Variants in TTC28 observed in about 807,000 individuals in gnomAD.
TTC28 encodes tetratricopeptide repeat protein 28.
A neutral mutation model predicts 198.0 loss-of-function variants in TTC28; 61 were observed. The observed-to-expected ratio is 0.31, with a 90% confidence interval of 0.25 to 0.38. The LOEUF is 0.38. Ranked by LOEUF, TTC28 falls within the 10% of genes least tolerant of loss-of-function variation. The pLI is 1.00. For missense variants in TTC28, 2,678 were observed against 3,164.0 expected (o/e 0.85, Z 3.69); for synonymous variants, 1,171 against 1,297.8 (o/e 0.90, Z 2.10).
Position 28,298,343 on chromosome 22 carries a change from C to T in TTC28, c.530-491G>A, listed in dbSNP as rs2044943449. Among the ~76,000 whole-genome samples, 3 of 152,184 alleles carry T rather than the reference C, an allele frequency of 2.0e-5. No individual in the cohort carries two copies. In the South Asian group the frequency reaches 6.2e-4, roughly 32 times the overall value. ...TTTTTAAATATTTTTCCAGCTAAATCTAAAGACTGCTATAGGACTACTGTA... is the reference window on the plus strand; with the variant it reads ...TTTTTAAATATTTTTCCAGCTAAATTTAAAGACTGCTATAGGACTACTGTA... On this transcript the variant is annotated intron_variant, in intron 3 of 22. Transcript: ENST00000397906.
intron 1 of TTC28, among the ~76,000 whole-genome samples, chr22:28,641,335 TAAAG>T (rs1157388118): frequency 6.7e-6 from 1 of 150,096 alleles, no homozygotes; most frequent in Non-Finnish European, 1.5e-5. Flanking sequence ...AAAAAAAAAA[TAAAG>T]AAATGAATAA....
chr22:28,094,373 G>T (rs1444972873), intron 11 of TTC28, 128 bp from the exon 12 acceptor site: 2 of 1,085,886 alleles, frequency 1.8e-6, no homozygotes, highest in Non-Finnish European at 2.5e-6. Flanking sequence ...TGCAAACCCT[G>T]TCAAAAAATC....
At chr22:28,009,220 A>G (rs1938042767) in intron 14 of TTC28, among the ~76,000 whole-genome samples, 1 of 152,188 alleles carries the variant, frequency 6.6e-6, no homozygotes, top group Non-Finnish European at 1.5e-5. Context: ...CTTAGGCCAA[A>G]TTAAATCACA....
chr22:28,456,817 G>A (rs979546359), intron 2 of TTC28, among the ~76,000 whole-genome samples: 3 of 152,052 alleles, frequency 2.0e-5, no homozygotes, highest in South Asian at 2.1e-4. Context: ...CTCGTGATCC[G>A]CCCACCTCGG....
At chr22:28,258,027 G>A (rs928972532) in intron 5 of TTC28, among the ~76,000 whole-genome samples, 1 of 151,764 alleles carries the variant, frequency 6.6e-6, no homozygotes, top group Non-Finnish European at 1.5e-5. Flanking sequence ...TTTGCCCTCT[G>A]AACTTTGTCA....
chr22:27,998,674 A>G lies in TTC28; in HGVS notation c.4985T>C (p.Val1662Ala). 6.4e-7 allele frequency: 1 copy of G among 1,550,902 alleles called. No homozygotes were observed. Among genetic ancestry groups the G allele is most frequent in the South Asian group, 1.2e-5 (1 of 84,068 alleles). ...ATGGATGAACATCTTAGAAGCAGCC[A>G]CTGGCACAGGCCACAGAGACACGAG... ...CVLVSLWPVPVAASKMFIHAF... is the reference protein window; with the variant it reads ...CVLVSLWPVPAAASKMFIHAF... The change falls in exon 16 of 23, where the codon GTG becomes GCG. Residue 1662 changes from valine (V) to alanine (A), a missense_variant. Val to Ala is a moderately conservative substitution (Grantham distance 64, BLOSUM62 0). Around this residue, in one of 8 missense-constraint regions of TTC28, gnomAD observed 314 missense variants for 442.7 expected, o/e 0.71. Coordinates refer to ENST00000397906, the MANE Select transcript of TTC28 (RefSeq NM_001145418.2).
chr22:28,064,854 G>T (rs1795274800), intron 12 of TTC28, among the ~76,000 whole-genome samples: 1 of 152,160 alleles, frequency 6.6e-6, no homozygotes, highest in Non-Finnish European at 1.5e-5. Flanking sequence ...AAATTAGGTG[G>T]TGAGAAAAAG....
intron 2 of TTC28, among the ~76,000 whole-genome samples, chr22:28,530,534 A>G (rs2049110871): frequency 6.6e-6 from 1 of 152,204 alleles, no homozygotes; most frequent in South Asian, 2.1e-4. Context: ...GCAGGCCAAC[A>G]TTCAAATTCA....
At chr22:28,192,936 C>G (rs772918383) in intron 5 of TTC28, among the ~76,000 whole-genome samples, 3 of 152,106 alleles carry the variant, frequency 2.0e-5, no homozygotes, top group Admixed American at 6.6e-5. Flanking sequence ...AGGAAATACA[C>G]AGAACGCCAC....
chr22:28,049,751 G>C (rs115079397), intron 12 of TTC28, among the ~76,000 whole-genome samples: 1,590 of 152,258 alleles, frequency 0.01, 31 homozygotes, highest in African/African-American at 0.036. Context: ...GTGTGTGAGG[G>C]GTGTGTGCAA....
chr22:28,650,394 A>G (rs537698037), intron 1 of TTC28, among the ~76,000 whole-genome samples: 1 of 152,374 alleles, frequency 6.6e-6, no homozygotes, highest in Admixed American at 6.5e-5. Context: ...TTAGAATTGG[A>G]TAAAACAGAA....
intron 8 of TTC28, among the ~76,000 whole-genome samples, chr22:28,101,982 G>C (rs777537633): frequency 6.6e-6 from 1 of 152,052 alleles, no homozygotes; most frequent in Non-Finnish European, 1.5e-5. Context: ...TTGCTGGGCA[G>C]GCAGAAACAC....
chr22:28,317,164 A>G (rs1213193454), intron 2 of TTC28, among the ~76,000 whole-genome samples: 3 of 152,222 alleles, frequency 2.0e-5, no homozygotes, highest in East Asian at 1.9e-4. Context: ...TCCATTTGTT[A>G]TAACGGTTGC....
intron 5 of TTC28, among the ~76,000 whole-genome samples, chr22:28,208,167 C>A (rs1161233284): frequency 6.6e-6 from 1 of 152,106 alleles, no homozygotes; most frequent in Non-Finnish European, 1.5e-5. Context: ...GAATAAAGGA[C>A]ACATAGGTTT....
At chr22:28,296,626 A>AGT (rs1213036184) in intron 4 of TTC28, among the ~76,000 whole-genome samples, 2 of 152,202 alleles carry the variant, frequency 1.3e-5, no homozygotes, top group Non-Finnish European at 2.9e-5. Context: ...CTGCTGTTTG[A>AGT]GTCCTCATTG....
chr22:28,293,437 A>G (rs916175189), intron 5 of TTC28, among the ~76,000 whole-genome samples: 11 of 152,106 alleles, frequency 7.2e-5, no homozygotes, highest in African/African-American at 2.7e-4. Context: ...ATGCAAGCAG[A>G]GCATGGACAG....
At chr22:28,614,413 T>A (rs934437546) in intron 2 of TTC28, among the ~76,000 whole-genome samples, 4 of 152,128 alleles carry the variant, frequency 2.6e-5, no homozygotes, top group African/African-American at 9.7e-5. Flanking sequence ...CAAGCTACCA[T>A]TAACTTTCTT....
In TTC28 at chr22:28,537,296, A is replaced by ACTG. The variant is rs1569008965; in HGVS notation, c.381+92255_381+92256insCAG. Among the ~76,000 whole-genome samples, 51 of 94,722 alleles carry ACTG rather than the reference A, an allele frequency of 5.4e-4. No homozygotes were observed. In the East Asian group the frequency reaches 0.012, roughly 22 times the overall value. 62.1% of individuals were successfully genotyped at this position (94,722 alleles called of 152,430 possible). On this transcript the variant is annotated intron_variant, in intron 2 of 22. Coordinates refer to ENST00000397906, the MANE Select transcript of TTC28 (RefSeq NM_001145418.2). ...CGACAGAGCCAGACTCCGTCTCAAAAATAAAATAAAATAAAATAAAATAAA... is the reference window on the plus strand; with the variant it reads ...CGACAGAGCCAGACTCCGTCTCAAAACTGATAAAATAAAATAAAATAAAATAAA...
chr22:28,539,552 C>T (rs1339999770), intron 2 of TTC28, among the ~76,000 whole-genome samples: 2 of 151,870 alleles, frequency 1.3e-5, no homozygotes, highest in Non-Finnish European at 1.5e-5. Flanking sequence ...GTGAGGATTG[C>T]TTGAGCCTGG....
Sources: allele counts gnomAD v4.1 joint callset (sites outside exome capture counted in the v4.1 genomes callset), GRCh38; gene constraint gnomAD v4.1.1; regional missense constraint gnomAD v4.1.1; transcripts MANE v1.5; gene names NCBI Gene and HGNC (gene_info 2026-07-23, HGNC 2026-07-21).